The following PNN variants were observed in gnomAD, a reference collection of about 807,000 sequenced individuals.
The protein encoded by PNN is pinin.
Under a neutral mutation model 76.6 loss-of-function variants are expected in PNN, and 38 were observed. The observed-to-expected ratio is 0.50, with a 90% CI of 0.38 to 0.65. The LOEUF is 0.65. PNN is among the 30% of genes least tolerant of loss of function. The probability of loss-of-function intolerance (pLI) is 0.00; values close to 1 mark genes in which losing one functional copy is unlikely to be tolerated. For synonymous variants in PNN, 366 were observed against 283.7 expected (o/e 1.29, Z -2.91); for missense variants, 873 against 874.1 (o/e 1.00, Z 0.02).
Position 39,181,457 on chromosome 14 carries a change from C to G in PNN, c.1748C>G (p.Ser583Cys), listed in dbSNP as rs1194933396. 4 of 1,612,192 alleles carry G rather than the reference C, an allele frequency of 2.5e-6. No homozygotes were observed. Among genetic ancestry groups the G allele is most frequent in the East Asian group, 2.2e-5 (1 of 44,806 alleles). Residue 583 changes from serine (S) to cysteine (C), a missense_variant, in exon 9 of 9, where the codon TCT becomes TGT. Physicochemically the swap from Ser to Cys is moderately radical, Grantham distance 112 (BLOSUM62 -1). Transcript: ENST00000216832. Reference protein sequence around the residue: ...SRSRSSSSSSSSSSSTSSSSG... With the variant: ...SRSRSSSSSSCSSSSTSSSSG... ...AGTCGAAGCAGTAGCAGTAGCAGTT[C>G]TAGTAGCAGTTCAACCAGTAGCAGC...
intron 8 of PNN, 150 bp from the exon 9 acceptor site, chr14:39,180,353 T>G: frequency 1.4e-6 from 1 of 730,464 alleles, no homozygotes; most frequent in Non-Finnish European, 2.1e-6. Flanking sequence ...TATGTCAGTT[T>G]GTGGTTACTT....
chr14:39,176,377 T>C, intron 2 of PNN, 150 bp from the exon 3 acceptor site: 2 of 659,980 alleles, frequency 3.0e-6, no homozygotes, highest in Non-Finnish European at 5.2e-6. Flanking sequence ...TCTTATAAAG[T>C]AACACTATAA....
chr14:39,177,958 T>C, intron 6 of PNN, 42 bp downstream of exon 6: 1 of 1,137,114 alleles, frequency 8.8e-7, no homozygotes, highest in South Asian at 1.3e-5. Context: ...ATTTAAGTTA[T>C]CAAAGTAGTA....
intron 1 of PNN, among the ~76,000 whole-genome samples, chr14:39,175,622 G>T (rs2053214274): frequency 6.6e-6 from 1 of 152,208 alleles, no homozygotes; most frequent in Non-Finnish European, 1.5e-5. Context: ...TGGGTGCGCC[G>T]GCATGCTTTC....
intron 6 of PNN, 83 bp from the exon 7 acceptor site, chr14:39,179,008 T>C: frequency 7.6e-7 from 1 of 1,309,604 alleles, no homozygotes; most frequent in South Asian, 1.4e-5. Context: ...TAACTTTTTA[T>C]CATAATTGAA....
intron 6 of PNN, 28 bp downstream of exon 6, chr14:39,177,944 A>C (rs200540809): frequency 7.2e-7 from 1 of 1,383,854 alleles, no homozygotes; most frequent in Admixed American, 1.8e-5. Context: ...GTTTTGCATC[A>C]TATATTTAAG....
chr14:39,178,577 CTT>C (rs2053246746), intron 6 of PNN, among the ~76,000 whole-genome samples: 1 of 148,790 alleles, frequency 6.7e-6, no homozygotes, highest in Non-Finnish European at 1.5e-5. Context: ...TTTTTTTTTT[CTT>C]TTTCTTTTTT....
chr14:39,177,548 C>G, intron 4 of PNN, 45 bp from the exon 5 acceptor site: 1 of 1,588,120 alleles, frequency 6.3e-7, no homozygotes, highest in Admixed American at 1.7e-5. Flanking sequence ...TAAAAGCACA[C>G]CACTCATATG....
chr14:39,181,407 T>G lies in PNN; in HGVS notation c.1698T>G (p.Ala566=). The G allele has an allele frequency of 6.2e-7, 1 of 1,614,136 alleles. No individual in the cohort carries two copies. The highest frequency in any genetic ancestry group is 8.5e-7 in the Non-Finnish European group (1 of 1,180,032). ...CTAGGAGCAGAAGTAGAGGTCGAGC[T>G]AGAAATAAAACAAGCAAGAGTAGAA... ...TKTRSRSRGR[A]RNKTSKSRSR... The change falls in exon 9 of 9, where the codon GCT becomes GCG. Residue 566 remains alanine, a synonymous_variant. Transcript: ENST00000216832.
rs751526894 is a variant in PNN, at chr14:39,179,161, A to T, written c.569A>T (p.Asn190Ile). Residue 190 changes from asparagine to isoleucine, a missense_variant, in exon 7 of 9, where the codon AAT becomes ATT. Around this residue, in one of 3 missense-constraint regions of PNN, gnomAD observed 712 missense variants for 693.1 expected, o/e 1.03. Coordinates refer to ENST00000216832, the MANE Select transcript of PNN (RefSeq NM_002687.4). ...QAEEERKQVE[N>I]ERRELFEERR... is the part of the protein sequence containing the mutation. ...GAAGAAGAGAGAAAGCAGGTTGAAAATGAAAGGAGAGAACTGTTTGAAGAG... is the reference window on the plus strand; with the variant it reads ...GAAGAAGAGAGAAAGCAGGTTGAAATTGAAAGGAGAGAACTGTTTGAAGAG... The T allele has an allele frequency of 6.2e-7, 1 of 1,614,138 alleles. No homozygotes were observed. The highest frequency in any genetic ancestry group is 1.1e-5 in the South Asian group (1 of 91,028).
rs374584750 is a variant in PNN at position 39,177,406 on chromosome 14, T to C, written c.255-6T>C. The C allele has an allele frequency of 3.6e-5, 58 of 1,612,764 alleles. No homozygotes were observed. The highest frequency in any genetic ancestry group is 4.8e-5 in the Non-Finnish European group (57 of 1,179,068). ...GTCTCAAAAAAATTAATATTTTCTA[T>C]GACAGGCTGGGCGGGGAGCGTCGGA... On this transcript the variant is annotated splice_polypyrimidine_tract_variant and splice_region_variant and intron_variant, in intron 3 of 8. Transcript: ENST00000216832.
chr14:39,175,989 T>C lies in PNN; in HGVS notation c.114-89T>C, dbSNP rs1440700567. On this transcript the variant is annotated intron_variant, in intron 1 of 8. Transcript: ENST00000216832. ...TCTTTTTGGAACTTTTGTGATTTTT[T>C]CTCCTTATGATCCACATCTCTGAAA... is the stretch of plus-strand genomic sequence containing the variant. 7.0e-6 allele frequency: 5 copies of C among 713,486 alleles called. No homozygotes were observed. In the Admixed American group the frequency reaches 1.3e-4, roughly 18 times the overall value. 44.2% of individuals were successfully genotyped at this position (713,486 alleles called of 1,614,324 possible).
intron 3 of PNN, 140 bp downstream of exon 3, chr14:39,176,735 T>G: frequency 1.5e-6 from 1 of 645,852 alleles, no homozygotes. Context: ...CAAGTTCTGT[T>G]GGTATTTGAC....
Position 39,176,547 on chromosome 14 carries a change from G to C in PNN, c.206G>C (p.Gly69Ala). 1 of 1,608,738 alleles carries C rather than the reference G, an allele frequency of 6.2e-7. No individual in the cohort carries two copies. The highest frequency in any genetic ancestry group is 8.5e-7 in the Non-Finnish European group (1 of 1,178,190). The change falls in exon 3 of 9, where the codon GGA becomes GCA. Residue 69 changes from glycine to alanine, a missense_variant. Gly to Ala is a moderately conservative substitution (Grantham distance 60). This residue lies in a region of PNN where 156 missense variants were observed against 161.7 expected (regional missense o/e 0.96). Transcript: ENST00000216832. ...LLLRRGFSDS[G>A]GGPPAKQRDL... ...TTCAGGCGTGGATTCTCAGATAGTG[G>C]AGGAGGACCCCCAGCCAAACAGAGA...
chr14:39,179,489 T>TTGTTCATAGTGGGTAAGGTAATA, intron 8 of PNN, 27 bp downstream of exon 8: 2 of 1,589,386 alleles, frequency 1.3e-6, no homozygotes, highest in Non-Finnish European at 1.7e-6. Context: ...GTCCATTGAA[T>TTGTTCATAGTGGGTAAGGTAATA]TGTTCATAGT....
intron 2 of PNN, 119 bp from the exon 3 acceptor site, chr14:39,176,408 C>A: frequency 2.7e-6 from 2 of 740,112 alleles, no homozygotes; most frequent in African/African-American, 1.8e-5. Flanking sequence ...GAATGAATGC[C>A]CGTTTAAGGC....
At chr14:39,177,950 T>C in intron 6 of PNN, 34 bp downstream of exon 6, 1 of 999,684 alleles carries the variant, frequency 1.0e-6, no homozygotes, top group Admixed American at 2.7e-5. Flanking sequence ...CATCATATAT[T>C]TAAGTTATCA....
chr14:39,176,304 G>A, intron 2 of PNN, 155 bp downstream of exon 2: 1 of 633,586 alleles, frequency 1.6e-6, no homozygotes, highest in Non-Finnish European at 2.8e-6. Context: ...TATAAATATA[G>A]TTATCCTGAA....
At chr14:39,180,118 AAC>A (rs1341324936) in intron 8 of PNN, among the ~76,000 whole-genome samples, 4 of 152,326 alleles carry the variant, frequency 2.6e-5, no homozygotes, top group Non-Finnish European at 5.9e-5. Context: ...CTAGATGGAA[AAC>A]ACATGGAAGG....
Sources: allele counts gnomAD v4.1 joint callset (sites outside exome capture counted in the v4.1 genomes callset), GRCh38; gene constraint gnomAD v4.1.1; regional missense constraint gnomAD v4.1.1; transcripts MANE v1.5; gene names NCBI Gene and HGNC (gene_info 2026-07-23, HGNC 2026-07-21).